CRELD2: variants seen among roughly 807,000 people sequenced by gnomAD.
CRELD2 encodes protein disulfide isomerase CRELD2.
Under a neutral mutation model 48.1 loss-of-function variants are expected in CRELD2, and 33 were observed. The observed-to-expected ratio is 0.69, with a 90% CI of 0.52 to 0.92. CRELD2 has a LOEUF of 0.92. Among genes scored for constraint, CRELD2 ranks in the 40% least tolerant of loss-of-function variants. The pLI, the probability that CRELD2 is intolerant of heterozygous loss-of-function variation, is 0.00. For synonymous variants in CRELD2, 220 were observed against 203.9 expected (o/e 1.08, Z -0.67); for missense variants, 477 against 482.4 (o/e 0.99, Z 0.10).
Position 49,921,572 on chromosome 22 carries a change from G to A in CRELD2, c.416-13G>A, listed in dbSNP as rs1291579270. On this transcript the variant is annotated splice_polypyrimidine_tract_variant and intron_variant, in intron 4 of 9. Coordinates refer to ENST00000328268, the MANE Select transcript of CRELD2 (RefSeq NM_024324.5). ...CCAGGTGTGCTCTGAGCATGGTTTT[G>A]TGTCCCCTAAAGCATGCCAGGGCGG... 1.2e-6 allele frequency: 2 copies of A among 1,609,742 alleles called. No individual in the cohort carries two copies. Among genetic ancestry groups the A allele is most frequent in the Non-Finnish European group, 1.7e-6 (2 of 1,177,926 alleles).
intron 8 of CRELD2, chr22:49,925,066 G>A (rs1361636809): frequency 5.8e-6 from 1 of 173,712 alleles, no homozygotes; most frequent in Non-Finnish European, 1.2e-5. Context: ...GGGAGGCGGA[G>A]CTTGCAGTGA....
intron 7 of CRELD2, chr22:49,923,544 C>T (rs1213136062): frequency 4.7e-6 from 3 of 637,900 alleles, no homozygotes; most frequent in Non-Finnish European, 5.7e-6. Flanking sequence ...GAGAGCGCAC[C>T]CTGCTGGTGC....
chr22:49,921,493 C>T, intron 4 of CRELD2, 92 bp from the exon 5 acceptor site: 1 of 1,323,856 alleles, frequency 7.6e-7, no homozygotes, highest in East Asian at 2.4e-5. Flanking sequence ...CAGAATCGTA[C>T]AGGGTTTGGG....
rs1367721626 is a variant in CRELD2, at chr22:49,922,588, C to T, written c.593-24C>T. 1.3e-6 allele frequency: 2 copies of T among 1,518,494 alleles called. 1 individual carries two copies. The highest frequency in any genetic ancestry group is 2.5e-5 in the South Asian group (2 of 81,480). The allele number at this position is 1,518,494 out of a possible 1,614,324, so 94.1% of individuals were successfully genotyped here. A position where few individuals can be genotyped will look rare whatever the true frequency, so the allele number is the denominator to read the frequency against. On this transcript the variant is annotated intron_variant, in intron 5 of 9. Transcript: ENST00000328268. ...CTGGTACCTGAGAGTGGGGTTTGTA[C>T]CCAGGCCCGCCTTTGCCTTCCAGCC...
Position 49,923,234 on chromosome 22 carries a change from A to G in CRELD2, c.689A>G (p.Asp230Gly). ...GWVLDEGACV[D>G]VDECAAEPPP... ...TCACAGCTGTGCCGCTCTGTTCCAG[A>G]TGTGGACGAGTGTGCGGCCGAGCCG... The change falls in exon 7 of 10, where the codon GAT becomes GGT. Residue 230 changes from aspartate (D) to glycine (G), a missense_variant and splice_region_variant. Physicochemically the swap from Asp to Gly is moderately conservative, Grantham distance 94. Transcript: ENST00000328268. 1.3e-6 allele frequency: 2 copies of G among 1,574,734 alleles called. No individual in the cohort carries two copies. Among genetic ancestry groups the G allele is most frequent in the Non-Finnish European group, 1.7e-6 (2 of 1,161,444 alleles).
intron 5 of CRELD2, 194 bp downstream of exon 5, chr22:49,921,955 C>A: frequency 3.2e-6 from 2 of 626,488 alleles, no homozygotes; most frequent in South Asian, 2.0e-5. Flanking sequence ...CTTCCTGTCC[C>A]GTAACAGCCC....
At chr22:49,923,887 G>A in intron 7 of CRELD2, 1 of 246,382 alleles carries the variant, frequency 4.1e-6, no homozygotes, top group Non-Finnish European at 8.0e-6. Flanking sequence ...GAAAAGTTGT[G>A]CTGATCCCCA....
chr22:49,923,626 T>C (rs1215134445), intron 7 of CRELD2: 1 of 499,592 alleles, frequency 2.0e-6, no homozygotes, highest in Non-Finnish European at 3.7e-6. Context: ...CTGTCGGGTG[T>C]TTTCCACTCA....
chr22:49,922,633 C>G lies in CRELD2; in HGVS notation c.614C>G (p.Thr205Arg), dbSNP rs952319406. ...CCAGCCTGTGACGAGTCCTGCAAGA[C>G]GTGCTCGGGCCTGACCAACAGAGAC... ...ICTACDESCK[T>R]CSGLTNRDCG... The change falls in exon 6 of 10, where the codon ACG becomes AGG. Residue 205 changes from threonine to arginine, a missense_variant. Thr to Arg is a moderately conservative substitution (Grantham distance 71). Coordinates refer to ENST00000328268, the MANE Select transcript of CRELD2 (RefSeq NM_024324.5). The G allele has an allele frequency of 5.1e-6, 8 of 1,566,060 alleles. No individual in the cohort carries two copies. Among genetic ancestry groups the G allele is most frequent in the Non-Finnish European group, 6.9e-6 (8 of 1,154,416 alleles).
chr22:49,925,284 G>C, intron 8 of CRELD2, 133 bp from the exon 9 acceptor site: 1 of 688,682 alleles, frequency 1.5e-6, no homozygotes, highest in Non-Finnish European at 2.5e-6. Context: ...CCTGATCTTT[G>C]CTCCTTTCTG....
chr22:49,924,633 G>A, intron 8 of CRELD2, 178 bp downstream of exon 8: 1 of 496,918 alleles, frequency 2.0e-6, no homozygotes, highest in African/African-American at 1.9e-5. Context: ...GAAGCAGTGG[G>A]GGTGGGGGAC....
At chr22:49,926,337 C>G (rs2060763696) in intron 9 of CRELD2, 1 of 152,322 alleles carries the variant, frequency 6.6e-6, no homozygotes, top group South Asian at 2.1e-4. Flanking sequence ...ACAGTCCTCA[C>G]AGAAGTCTAG....
intron 3 of CRELD2, 86 bp from the exon 4 acceptor site, chr22:49,920,070 C>T: frequency 2.2e-6 from 2 of 918,562 alleles, no homozygotes; most frequent in Non-Finnish European, 3.6e-6. Context: ...TTACAATACT[C>T]CAGAGCATAT....
At chr22:49,919,438 C>T in intron 2 of CRELD2, 126 bp downstream of exon 2, 3 of 833,154 alleles carry the variant, frequency 3.6e-6, no homozygotes, top group East Asian at 2.7e-5. Context: ...GTCACCCGTC[C>T]GAGTCACCTC....
In CRELD2 at chr22:49,922,773, GTAAGGCGTGGGGGGTGTGAGGCA is replaced by G; in HGVS notation, c.688+68_688+90del. On this transcript the variant is annotated intron_variant, in intron 6 of 9. Coordinates refer to ENST00000328268, the MANE Select transcript of CRELD2 (RefSeq NM_024324.5). ...GGCGTGGGGGGTGTGAGATGGGGGC[GTAAGGCGTGGGGGGTGTGAGGCA>G]TGGGGGCGGGAGGCAGGGGGGCGTG... 1.1e-5 allele frequency: 3 copies of G among 264,978 alleles called. 1 individual carries two copies. The African/African-American group carries it at 1.2e-4, about 11-fold the overall frequency. 16.4% of individuals were successfully genotyped at this position (264,978 alleles called of 1,614,324 possible).
At chr22:49,922,063 G>A (rs1003695484) in intron 5 of CRELD2, 24 of 610,876 alleles carry the variant, frequency 3.9e-5, no homozygotes, top group South Asian at 8.6e-5. Flanking sequence ...TGGAGGTGCC[G>A]TGTGGGCCCC....
intron 5 of CRELD2, chr22:49,922,304 C>T (rs7410276): frequency 0.14 from 174,355 of 1,274,184 alleles, 15,329 homozygotes; most frequent in African/African-American, 0.55. Context: ...CAGTCAGGAC[C>T]GGCCTCTCCG....
intron 8 of CRELD2, chr22:49,925,130 CAA>C (rs375087898): frequency 0.018 from 2,582 of 145,060 alleles, no homozygotes; most frequent in South Asian, 0.039. Flanking sequence ...GACTCCGCCT[CAA>C]AAAAAAAAAA....
At chr22:49,920,294 C>T (rs1391898113) in intron 4 of CRELD2, 47 bp downstream of exon 4, 2 of 1,299,352 alleles carry the variant, frequency 1.5e-6, no homozygotes, top group East Asian at 2.3e-5. Context: ...CACTTCCCCT[C>T]TTCTTCTCAT....
Sources: allele counts gnomAD v4.1 joint callset, GRCh38; gene constraint gnomAD v4.1.1; transcripts MANE v1.5; gene names NCBI Gene and HGNC (gene_info 2026-07-23, HGNC 2026-07-21).